Variants in LRP5 observed in about 807,000 individuals in gnomAD.
LRP5 encodes the protein low-density lipoprotein receptor-related protein 5.
Under a neutral mutation model 154.1 loss-of-function variants are expected in LRP5, and 62 were observed. The observed-to-expected ratio is 0.40, with a 90% confidence interval of 0.33 to 0.50. The LOEUF (loss-of-function observed/expected upper bound fraction) is 0.50. LRP5 is among the 20% of genes least tolerant of loss of function. The pLI is 0.55. For missense variants in LRP5, 1,915 were observed against 2,336.7 expected (o/e 0.82, Z 3.72); for synonymous variants, 966 against 1,011.5 (o/e 0.96, Z 0.85).
At chr11:68,421,781 G>GGT (rs1217468331) in intron 13 of LRP5, among the ~76,000 whole-genome samples, 2 of 132,504 alleles carry the variant, frequency 1.5e-5, no homozygotes, top group Non-Finnish European at 3.2e-5. Flanking sequence ...TCCATCTGGG[G>GGT]GTGTGTGTGT....
chr11:68,441,505 A>G (rs1432743516), intron 21 of LRP5, among the ~76,000 whole-genome samples: 4 of 152,140 alleles, frequency 2.6e-5, no homozygotes, highest in Non-Finnish European at 4.4e-5. Flanking sequence ...GGCTTTGTTT[A>G]GGGACAAAGG....
chr11:68,431,038 A>T (rs1273180345), intron 17 of LRP5, among the ~76,000 whole-genome samples: 1 of 152,162 alleles, frequency 6.6e-6, no homozygotes, highest in Non-Finnish European at 1.5e-5. Context: ...TGGGTGTGGC[A>T]GTAGTAATAA....
rs530100119 is a variant in LRP5 at position 68,430,467 on chromosome 11, T to C, written c.3763+767T>C. ...GATTATAGGCGTGAGCCACTGTGCCTGGCCATTAGGTGTGTTTTATCACCC... is the reference window on the plus strand; with the variant it reads ...GATTATAGGCGTGAGCCACTGTGCCCGGCCATTAGGTGTGTTTTATCACCC... On this transcript the variant is annotated intron_variant, in intron 17 of 22. Coordinates refer to ENST00000294304, the MANE Select transcript of LRP5 (RefSeq NM_002335.4). 2.6e-5 allele frequency among the ~76,000 whole-genome samples: 4 copies of C among 152,314 alleles called. No individual in the cohort carries two copies. The South Asian group carries it at 8.3e-4, about 32-fold the overall frequency.
At chr11:68,317,922 CT>C (rs1343705361) in intron 1 of LRP5, among the ~76,000 whole-genome samples, 1 of 152,054 alleles carries the variant, frequency 6.6e-6, no homozygotes, top group African/African-American at 2.4e-5. Flanking sequence ...TGTGGACCCC[CT>C]GGGAGGTTGT....
intron 9 of LRP5, among the ~76,000 whole-genome samples, chr11:68,408,829 C>T (rs2098657210): frequency 6.6e-6 from 1 of 151,756 alleles, no homozygotes; most frequent in Non-Finnish European, 1.5e-5. Flanking sequence ...AGGAGGATCA[C>T]TTGAGCCCAG....
At chr11:68,363,964 G>C (rs539231681) in intron 4 of LRP5, 21 bp downstream of exon 4, 6 of 1,553,874 alleles carry the variant, frequency 3.9e-6, no homozygotes, top group East Asian at 2.4e-5. Context: ...GCTGGGGCGC[G>C]GGGGCGAGGG....
At chr11:68,376,385 G>A (rs974435428) in intron 5 of LRP5, among the ~76,000 whole-genome samples, 6 of 152,096 alleles carry the variant, frequency 3.9e-5, no homozygotes, top group Non-Finnish European at 7.4e-5. Context: ...GTTTCACCGT[G>A]TTAGCCAGGA....
intron 18 of LRP5, among the ~76,000 whole-genome samples, chr11:68,436,415 G>C (rs376928183): frequency 6.6e-6 from 1 of 152,098 alleles, no homozygotes; most frequent in South Asian, 2.1e-4. Context: ...TGCTGCTCCC[G>C]TGTGGGCTGC....
chr11:68,305,691 C>T, the LRP5 span, among the ~76,000 whole-genome samples: 1 of 152,308 alleles, frequency 6.6e-6, no homozygotes, highest in East Asian at 1.9e-4. Flanking sequence ...GATCCACTCA[C>T]CTTGGCCTCC....
Position 68,386,164 on chromosome 11 carries a change from G to T in LRP5, c.1016-152G>T. 1 of 842,518 alleles carries T rather than the reference G, an allele frequency of 1.2e-6. No homozygotes were observed. 52.2% of individuals were successfully genotyped at this position (842,518 alleles called of 1,614,324 possible). ...GGATGAACGAGTGACCATGTAGCATGGGCTGGGTGCGTGTCACCTAACATC... is the reference window on the plus strand; with the variant it reads ...GGATGAACGAGTGACCATGTAGCATTGGCTGGGTGCGTGTCACCTAACATC... On this transcript the variant is annotated intron_variant, in intron 5 of 22. Transcript: ENST00000294304. This position sits in a 1 kb window ranked among gnomAD's most constrained non-coding sequence, Gnocchi z 7.9.
intron 7 of LRP5, among the ~76,000 whole-genome samples, 197 bp downstream of exon 7, chr11:68,390,249 C>T (rs145306195): frequency 1.5e-4 from 23 of 152,340 alleles, no homozygotes; most frequent in African/African-American, 3.8e-4. Flanking sequence ...CCTGTGGTTA[C>T]GTAAGATGTT....
rs149130784 is a variant in LRP5 at position 68,406,725 on chromosome 11, C to T, written c.2003C>T (p.Ala668Val). ...CTCGAGACCAATAACAACGACGTGG[C>T]CATCCCGCTCACGGGCGTCAAGGAG... ...ISLETNNNDV[A>V]IPLTGVKEAS... Residue 668 changes from alanine to valine, a missense_variant, in exon 9 of 23, where the codon GCC becomes GTC. By Grantham distance (64) the Ala-to-Val change is moderately conservative (BLOSUM62 0). This residue lies in a region of LRP5 where 773 missense variants were observed against 1,100.9 expected (regional missense o/e 0.70). Coordinates refer to ENST00000294304, the MANE Select transcript of LRP5 (RefSeq NM_002335.4). 1.2e-6 allele frequency: 2 copies of T among 1,614,044 alleles called. No individual in the cohort carries two copies. Among genetic ancestry groups the T allele is most frequent in the African/African-American group, 2.7e-5 (2 of 74,930 alleles).
upstream of LRP5, among the ~76,000 whole-genome samples, chr11:68,311,560 GTCT>G (rs1261633770): frequency 1.3e-5 from 2 of 152,112 alleles, no homozygotes; most frequent in Non-Finnish European, 2.9e-5. Flanking sequence ...TTAATTTTCC[GTCT>G]TCTTGTTTTT....
rs60401481 is a variant in LRP5 at position 68,376,171 on chromosome 11, C to CTT, written c.1016-10122_1016-10121dup. 2.8e-3 allele frequency among the ~76,000 whole-genome samples: 261 copies of CTT among 92,792 alleles called. 2 individuals carry two copies. The highest frequency in any genetic ancestry group is 7.5e-3 in the Middle Eastern group (1 of 134). 60.9% of individuals were successfully genotyped at this position (92,792 alleles called of 152,430 possible). On this transcript the variant is annotated intron_variant, in intron 5 of 22. Coordinates refer to ENST00000294304, the MANE Select transcript of LRP5 (RefSeq NM_002335.4). ...GGGTCGTCCGTGGCTGGCCCTGCTT[C>CTT]TTTTTTTTTTTTTTTTTTTTTTTTA... is the stretch of plus-strand genomic sequence containing the variant.
chr11:68,391,791 C>T (rs908463141), intron 7 of LRP5, among the ~76,000 whole-genome samples: 13 of 152,244 alleles, frequency 8.5e-5, no homozygotes, highest in African/African-American at 2.2e-4. Flanking sequence ...GTCAGGGACT[C>T]GCGTGTCTGT....
intron 5 of LRP5, among the ~76,000 whole-genome samples, chr11:68,373,099 C>T (rs1221787544): frequency 6.6e-6 from 1 of 152,170 alleles, no homozygotes; most frequent in Non-Finnish European, 1.5e-5. Flanking sequence ...CTGGAAACAT[C>T]TCGAGGTTTG....
intron 5 of LRP5, among the ~76,000 whole-genome samples, chr11:68,378,908 G>A (rs955577220): frequency 1.1e-4 from 17 of 151,994 alleles, no homozygotes; most frequent in Non-Finnish European, 2.2e-4. Context: ...TTAGCCAGGC[G>A]TGGTGGTGGG....
Position 68,406,373 on chromosome 11 carries a change from C to A in LRP5, c.1802-151C>A, listed in dbSNP as rs2098655643. 23 of 811,172 alleles carry A rather than the reference C, an allele frequency of 2.8e-5. 1 individual carries two copies. In the South Asian group the frequency reaches 3.1e-4, roughly 11 times the overall value. The allele number at this position is 811,172 out of a possible 1,614,324, so 50.2% of individuals were successfully genotyped here. Reference sequence around the variant, plus strand: ...TGAGGGTTTAGCCTGGCCAACCCAGCCATGAGGTCGGACCTGACCCGGGGG... The same window carrying A: ...TGAGGGTTTAGCCTGGCCAACCCAGACATGAGGTCGGACCTGACCCGGGGG... On this transcript the variant is annotated intron_variant, in intron 8 of 22. Coordinates refer to ENST00000294304, the MANE Select transcript of LRP5 (RefSeq NM_002335.4).
At chr11:68,308,235 A>G (rs2098585127), upstream of LRP5, among the ~76,000 whole-genome samples, 1 of 152,356 alleles carries the variant, frequency 6.6e-6, no homozygotes, top group Non-Finnish European at 1.5e-5. Flanking sequence ...CTCTGACCAC[A>G]GCAGTCAGTC....
Sources: gnomAD v4.1 joint callset for allele counts (sites outside exome capture counted in the v4.1 genomes callset) on GRCh38, gnomAD v4.1.1 for gene constraint, gnomAD v4.1.1 regional missense constraint, Gnocchi (gnomAD v3.1) non-coding constraint, MANE v1.5 for transcripts, NCBI Gene and HGNC (gene_info 2026-07-23, HGNC 2026-07-21) for gene names.